VWC2: variants seen among roughly 807,000 people sequenced by gnomAD.
VWC2 encodes the protein von Willebrand factor C domain containing 2, also known as brorin.
A neutral mutation model predicts 29.8 loss-of-function variants in VWC2; 14 were observed. The ratio of observed to expected loss-of-function variants is 0.47; its 90% CI spans 0.31 to 0.74. The LOEUF is 0.74. Among genes scored for constraint, VWC2 ranks in the 30% least tolerant of loss-of-function variants. VWC2 has a pLI of 0.05. For missense variants in VWC2, 457 were observed against 459.8 expected (o/e 0.99, Z 0.05); for synonymous variants, 213 against 199.0 (o/e 1.07, Z -0.59).
chr7:49,837,883 C>T lies in VWC2; in HGVS notation c.826+35043C>T, dbSNP rs1789700387. 2.6e-5 allele frequency among the ~76,000 whole-genome samples: 4 copies of T among 152,240 alleles called. No individual in the cohort carries two copies. The South Asian group carries it at 8.3e-4, about 32-fold the overall frequency. Reference sequence around the variant, plus strand: ...TATTTTGAGACCTGAGAGAAATCTTCCCATTAGTCCTTATGATATAATGAA... The same window carrying T: ...TATTTTGAGACCTGAGAGAAATCTTTCCATTAGTCCTTATGATATAATGAA... On this transcript the variant is annotated intron_variant, in intron 3 of 3. Transcript: ENST00000340652.
chr7:49,883,402 C>A (rs980414911), intron 3 of VWC2, among the ~76,000 whole-genome samples: 4 of 151,856 alleles, frequency 2.6e-5, no homozygotes, highest in Non-Finnish European at 5.9e-5. Context: ...ATAGGAAAAA[C>A]AATTTGGAAA....
intron 3 of VWC2, among the ~76,000 whole-genome samples, chr7:49,886,161 C>T (rs1339656396): frequency 6.6e-6 from 1 of 152,186 alleles, no homozygotes; most frequent in Non-Finnish European, 1.5e-5. Context: ...GCATCCCACA[C>T]TGAATTTGGG....
At chr7:49,806,039 C>T (rs1788869164) in intron 3 of VWC2, among the ~76,000 whole-genome samples, 1 of 152,186 alleles carries the variant, frequency 6.6e-6, no homozygotes, top group Admixed American at 6.5e-5. Flanking sequence ...AGATCAATCT[C>T]CCAGTGTTTT....
intron 3 of VWC2, among the ~76,000 whole-genome samples, chr7:49,892,800 G>T (rs1270852240): frequency 6.6e-6 from 1 of 152,206 alleles, no homozygotes; most frequent in Non-Finnish European, 1.5e-5. Flanking sequence ...TCCGTGGAAT[G>T]AATATAAATG....
rs1165744257 is a variant in VWC2 at position 49,917,344 on chromosome 7, A to G, written c.*5159A>G. On this transcript the variant is annotated 3_prime_UTR_variant, in exon 4 of 4. Coordinates refer to ENST00000340652, the MANE Select transcript of VWC2 (RefSeq NM_198570.5). Reference sequence around the variant, plus strand: ...TTTTTAAATGAACAAATCCCATTGAATATTAAGTGACACTGACAATCACCC... The same window carrying G: ...TTTTTAAATGAACAAATCCCATTGAGTATTAAGTGACACTGACAATCACCC... 6.6e-6 allele frequency: 1 copy of G among 152,226 alleles called. No individual in the cohort carries two copies. Among genetic ancestry groups the G allele is most frequent in the African/African-American group, 2.4e-5 (1 of 41,464 alleles). 9.4% of individuals were successfully genotyped at this position (152,226 alleles called of 1,614,324 possible). A position where few individuals can be genotyped will look rare whatever the true frequency, so the allele number is the denominator to read the frequency against.
chr7:49,795,066 T>A (rs1268634302), intron 2 of VWC2, among the ~76,000 whole-genome samples: 1 of 152,180 alleles, frequency 6.6e-6, no homozygotes, highest in African/African-American at 2.4e-5. Context: ...TTTCTTTATA[T>A]CTCTCCTTGA....
In VWC2 at chr7:49,775,566, G is replaced by A. The variant is rs539846368; in HGVS notation, c.131G>A (p.Gly44Asp). 1.9e-6 allele frequency: 3 copies of A among 1,544,198 alleles called. No homozygotes were observed. The African/African-American group carries it at 4.2e-5, about 22-fold the overall frequency. The change falls in exon 2 of 4, where the codon GGC (glycine) becomes GAC (aspartate). Residue 44 changes from glycine (G) to aspartate (D), a missense_variant. Physicochemically the swap from Gly to Asp is moderately conservative, Grantham distance 94. This residue lies in a region of VWC2 where 272 missense variants were observed against 202.7 expected (regional missense o/e 1.34). Transcript: ENST00000340652. ...EKLAQAPEQP[G>D]QEKREHASRD... ...CTGGCCCAGGCACCAGAGCAGCCGG[G>A]CCAGGAGAAGCGTGAGCACGCCTCT... is the stretch of plus-strand genomic sequence containing the variant.
At chr7:49,808,529 C>A (rs2128706985) in intron 3 of VWC2, among the ~76,000 whole-genome samples, 1 of 152,118 alleles carries the variant, frequency 6.6e-6, no homozygotes, top group South Asian at 2.1e-4. Flanking sequence ...TGAACTTGAT[C>A]TGACATATAT....
chr7:49,895,552 G>C (rs778323814), intron 3 of VWC2, among the ~76,000 whole-genome samples: 1 of 152,156 alleles, frequency 6.6e-6, no homozygotes, highest in Admixed American at 6.5e-5. Flanking sequence ...CATGAGGCAA[G>C]AAAAGCATTA....
chr7:49,845,484 A>G (rs1789917445), intron 3 of VWC2, among the ~76,000 whole-genome samples: 1 of 152,196 alleles, frequency 6.6e-6, no homozygotes, highest in Non-Finnish European at 1.5e-5. Context: ...TTCAACTGTA[A>G]AAAACACTGA....
At chr7:49,906,327 C>A (rs759273330) in intron 3 of VWC2, among the ~76,000 whole-genome samples, 23 of 152,010 alleles carry the variant, frequency 1.5e-4, no homozygotes, top group Admixed American at 6.6e-4. Context: ...TAAATATTAA[C>A]TGTCAAAAAT....
intron 3 of VWC2, among the ~76,000 whole-genome samples, chr7:49,869,912 C>T (rs1474624096): frequency 1.3e-5 from 2 of 151,930 alleles, no homozygotes; most frequent in African/African-American, 4.8e-5. Flanking sequence ...CAGCAGATGT[C>T]AAAAGGAATG....
chr7:49,891,464 A>C (rs1215090521), intron 3 of VWC2, among the ~76,000 whole-genome samples: 1 of 152,238 alleles, frequency 6.6e-6, no homozygotes, highest in African/African-American at 2.4e-5. Context: ...ATAAATAAGG[A>C]CTTGACAACC....
chr7:49,775,962 G>A lies in VWC2; in HGVS notation c.527G>A (p.Cys176Tyr). 1 of 1,550,322 alleles carries A rather than the reference G, an allele frequency of 6.5e-7. No individual in the cohort carries two copies. Among genetic ancestry groups the A allele is most frequent in the Non-Finnish European group, 8.7e-7 (1 of 1,150,514 alleles). ...GEKFAPGPSA[C>Y]PCLCTEEGPL... ...AAGTTCGCGCCGGGCCCCTCGGCCT[G>A]CCCGTGCCTGTGCACCGAGGAGGGG... The change falls in exon 2 of 4, where the codon TGC becomes TAC. Residue 176 changes from cysteine to tyrosine, a missense_variant. Around this residue, in one of 2 missense-constraint regions of VWC2, gnomAD observed 185 missense variants for 257.1 expected, o/e 0.72. Transcript: ENST00000340652.
At chr7:49,775,063 C>T (rs1217574183) in intron 1 of VWC2, among the ~76,000 whole-genome samples, 2 of 152,280 alleles carry the variant, frequency 1.3e-5, no homozygotes, top group South Asian at 2.1e-4. Context: ...CCCTGGGCTC[C>T]GCAAGCCGCC....
intron 3 of VWC2, among the ~76,000 whole-genome samples, chr7:49,869,029 T>G (rs2128722628): frequency 6.6e-6 from 1 of 152,358 alleles, no homozygotes; most frequent in East Asian, 1.9e-4. Flanking sequence ...TAAGAAAATA[T>G]TAGTTGTTTA....
At chr7:49,911,984 A>G in intron 3 of VWC2, 50 bp from the exon 4 acceptor site, 1 of 1,459,178 alleles carries the variant, frequency 6.9e-7, no homozygotes, top group Non-Finnish European at 9.2e-7. Context: ...AATTATATAT[A>G]TTATATATTT....
chr7:49,777,575 A>ATTTTGCTT (rs1320902851), intron 2 of VWC2, among the ~76,000 whole-genome samples: 4 of 152,166 alleles, frequency 2.6e-5, no homozygotes, highest in Non-Finnish European at 5.9e-5. Context: ...AGCAAAATAT[A>ATTTTGCTT]ACTCCAGGCA....
At chr7:49,857,948 A>T (rs1195759049) in intron 3 of VWC2, among the ~76,000 whole-genome samples, 1 of 152,042 alleles carries the variant, frequency 6.6e-6, no homozygotes, top group African/African-American at 2.4e-5. Context: ...CAGAGATGAG[A>T]CCACACAGGC....
Sources: gnomAD v4.1 joint callset for allele counts (sites outside exome capture counted in the v4.1 genomes callset) on GRCh38, gnomAD v4.1.1 for gene constraint, gnomAD v4.1.1 regional missense constraint, MANE v1.5 for transcripts, NCBI Gene and HGNC (gene_info 2026-07-23, HGNC 2026-07-21) for gene names.